MITF: variants seen among roughly 807,000 people sequenced by gnomAD.
MITF encodes the protein microphthalmia-associated transcription factor.
Under a neutral mutation model 60.5 loss-of-function variants are expected in MITF, and 17 were observed. The ratio of observed to expected loss-of-function variants is 0.28; its 90% CI spans 0.19 to 0.42. MITF has a LOEUF of 0.42. MITF is among the 10% of genes least tolerant of loss of function. The pLI is 1.00. For missense variants in MITF, 622 were observed against 683.5 expected, an observed-to-expected ratio of 0.91 and a Z score of 1.00; for synonymous variants, 260 against 248.5, an observed-to-expected ratio of 1.05 and a Z score of -0.43.
intron 1 of MITF, among the ~76,000 whole-genome samples, chr3:69,795,441 C>A (rs1188212178): frequency 6.6e-6 from 1 of 152,134 alleles, no homozygotes; most frequent in Non-Finnish European, 1.5e-5. Flanking sequence ...AAAAATAAAT[C>A]TAGGCTGGGC....
chr3:69,935,301 A>G (rs920942829), intron 2 of MITF, among the ~76,000 whole-genome samples: 4 of 152,250 alleles, frequency 2.6e-5, no homozygotes, highest in Non-Finnish European at 5.9e-5. Flanking sequence ...CCTCACTGAC[A>G]GTGCCACATA....
intron 1 of MITF, among the ~76,000 whole-genome samples, chr3:69,839,781 G>C (rs909913211): frequency 6.6e-6 from 1 of 151,972 alleles, no homozygotes; most frequent in East Asian, 1.9e-4. Flanking sequence ...AATTTCAGTT[G>C]ATTTTTTGAA....
chr3:69,947,834 G>C (rs2066138391), intron 5 of MITF, among the ~76,000 whole-genome samples: 1 of 152,094 alleles, frequency 6.6e-6, no homozygotes, highest in African/African-American at 2.4e-5. Flanking sequence ...TATGTTTAGA[G>C]GCTATCACAG....
intron 1 of MITF, among the ~76,000 whole-genome samples, chr3:69,750,343 A>G (rs1416998195): frequency 6.9e-6 from 1 of 144,892 alleles, no homozygotes; most frequent in African/African-American, 2.6e-5. Flanking sequence ...AGTAATATAG[A>G]TCTGATAACA....
chr3:69,871,365 C>CCAGGGT (rs548165509), intron 1 of MITF, among the ~76,000 whole-genome samples: 97 of 152,306 alleles, frequency 6.4e-4, no homozygotes, highest in South Asian at 1.5e-3. Flanking sequence ...TCCTGATTGG[C>CCAGGGT]CAGGGTCGTA....
intron 4 of MITF, among the ~76,000 whole-genome samples, chr3:69,940,140 A>G (rs1205914115): frequency 6.6e-6 from 1 of 152,192 alleles, no homozygotes; most frequent in African/African-American, 2.4e-5. Context: ...AAGACAGTAA[A>G]TATTATGAAC....
chr3:69,796,255 A>G (rs2062825681), intron 1 of MITF, among the ~76,000 whole-genome samples: 1 of 152,086 alleles, frequency 6.6e-6, no homozygotes, highest in African/African-American at 2.4e-5. Flanking sequence ...TGCTGGGATT[A>G]CAGGCATGAG....
chr3:69,943,965 ATACC>A (rs1405632238), intron 5 of MITF, among the ~76,000 whole-genome samples: 1 of 152,086 alleles, frequency 6.6e-6, no homozygotes, highest in Non-Finnish European at 1.5e-5. Context: ...GTAGTAGTAC[ATACC>A]TATAGTCCTA....
chr3:69,805,629 A>G (rs1430046900), intron 1 of MITF, among the ~76,000 whole-genome samples: 3 of 152,072 alleles, frequency 2.0e-5, no homozygotes, highest in African/African-American at 7.2e-5. Flanking sequence ...TGCAACAGAC[A>G]CTCGATAAAT....
intron 9 of MITF, among the ~76,000 whole-genome samples, chr3:69,963,929 G>A (rs1247404204): frequency 6.6e-6 from 1 of 151,304 alleles, no homozygotes; most frequent in Non-Finnish European, 1.5e-5. Flanking sequence ...GAAAGCTGAA[G>A]GACCATGAAC....
intron 1 of MITF, among the ~76,000 whole-genome samples, chr3:69,798,252 G>C (rs2062862245): frequency 6.6e-6 from 1 of 152,220 alleles, no homozygotes; most frequent in Non-Finnish European, 1.5e-5. Context: ...TATTTTTATA[G>C]TGAGGAAACC....
chr3:69,818,602 C>G (rs1433873284), intron 1 of MITF, among the ~76,000 whole-genome samples: 1 of 152,158 alleles, frequency 6.6e-6, no homozygotes, highest in Non-Finnish European at 1.5e-5. Flanking sequence ...CTCCATTTCT[C>G]TAGCACCTAT....
At chr3:69,764,038 G>C (rs1427703667) in intron 1 of MITF, 1 of 1,021,184 alleles carries the variant, frequency 9.8e-7, no homozygotes, top group Admixed American at 3.6e-5. Flanking sequence ...GAAATCTTTG[G>C]TTCTTGTTCA....
chr3:69,771,958 G>C (rs1036407122), intron 1 of MITF, among the ~76,000 whole-genome samples: 10 of 152,176 alleles, frequency 6.6e-5, no homozygotes, highest in African/African-American at 2.4e-4. Flanking sequence ...CTCTAAATTA[G>C]ACTGGAAATT....
intron 8 of MITF, among the ~76,000 whole-genome samples, chr3:69,957,569 C>T (rs1386752467): frequency 6.6e-6 from 1 of 152,178 alleles, no homozygotes; most frequent in Non-Finnish European, 1.5e-5. Flanking sequence ...TTCTGCAGCA[C>T]AAATTTATCC....
At chr3:69,879,112 A>G (rs2107275417) in intron 1 of MITF, 22 bp from the exon 2 acceptor site, 24 of 1,600,864 alleles carry the variant, frequency 1.5e-5, no homozygotes, top group Non-Finnish European at 1.9e-5. Flanking sequence ...TAAATGTTGT[A>G]TGCATTTTGG....
chr3:69,959,508 G>T, intron 9 of MITF, 88 bp downstream of exon 9: 1 of 1,486,074 alleles, frequency 6.7e-7, no homozygotes, highest in South Asian at 1.2e-5. Flanking sequence ...TAGGGGAGTT[G>T]ACTTACGTGA....
chr3:69,871,501 T>C (rs535294875), intron 1 of MITF, among the ~76,000 whole-genome samples: 1 of 152,354 alleles, frequency 6.6e-6, no homozygotes, highest in East Asian at 1.9e-4. Context: ...CAGCTATAAA[T>C]GCCATGTGGC....
intron 1 of MITF, among the ~76,000 whole-genome samples, chr3:69,841,966 G>A (rs549611763): frequency 6.3e-4 from 96 of 152,118 alleles, no homozygotes; most frequent in Non-Finnish European, 1.1e-3. Context: ...TACATTCTTC[G>A]GAGCAGTATA....
Sources: gnomAD v4.1 joint callset for allele counts (sites outside exome capture counted in the v4.1 genomes callset) on GRCh38, gnomAD v4.1.1 for gene constraint, MANE v1.5 for transcripts, NCBI Gene and HGNC (gene_info 2026-07-23, HGNC 2026-07-21) for gene names.